Variants in NALF1 observed in about 807,000 individuals in gnomAD.
The protein encoded by NALF1 is family with sequence similarity 155 member A.
In NALF1, 3 loss-of-function variants were observed where a neutral mutation model predicts 48.4. The observed-to-expected ratio is 0.06, with a 90% confidence interval of 0.03 to 0.16. The LOEUF (loss-of-function observed/expected upper bound fraction) is 0.16. Ranked by LOEUF, NALF1 falls within the 10% of genes least tolerant of loss-of-function variation. The pLI is 1.00. For missense variants in NALF1, 526 were observed against 571.5 expected, an observed-to-expected ratio of 0.92 and a Z score of 0.81; for synonymous variants, 262 against 245.7, an observed-to-expected ratio of 1.07 and a Z score of -0.62.
chr13:107,495,993 T>C (rs1415858025), intron 1 of NALF1, among the ~76,000 whole-genome samples: 1 of 152,120 alleles, frequency 6.6e-6, no homozygotes, highest in Non-Finnish European at 1.5e-5. Context: ...TGAAAAAAAC[T>C]CATAAAATTA....
chr13:107,668,085 T>C (rs1176276323), intron 1 of NALF1, among the ~76,000 whole-genome samples: 4 of 152,210 alleles, frequency 2.6e-5, no homozygotes, highest in South Asian at 2.1e-4. Flanking sequence ...TATATATTGG[T>C]AGTTCAAGTA....
chr13:107,286,717 C>T lies in NALF1; in HGVS notation c.916-75962G>A, dbSNP rs570896491. On this transcript the variant is annotated intron_variant, in intron 1 of 2. Coordinates refer to ENST00000375915, the MANE Select transcript of NALF1 (RefSeq NM_001080396.3). ...GATACTACTCAGCCTGGAAACAGAA[C>T]GACATATTGATACATGGATGAAACT... Among the ~76,000 whole-genome samples, 18 of 151,874 alleles carry T rather than the reference C, an allele frequency of 1.2e-4. No individual in the cohort carries two copies. In the South Asian group the frequency reaches 2.7e-3, roughly 23 times the overall value.
intron 1 of NALF1, among the ~76,000 whole-genome samples, chr13:107,790,950 T>C (rs963960468): frequency 2.0e-5 from 3 of 152,120 alleles, no homozygotes; most frequent in Non-Finnish European, 2.9e-5. Context: ...TAAGACAGTA[T>C]AGCAAAAACA....
chr13:107,838,570 T>C (rs1879966321), intron 1 of NALF1, among the ~76,000 whole-genome samples: 1 of 152,152 alleles, frequency 6.6e-6, no homozygotes, highest in Admixed American at 6.5e-5. Flanking sequence ...CATGCGTGTA[T>C]GAACATGCAT....
chr13:107,203,023 G>A (rs988721789), intron 2 of NALF1, among the ~76,000 whole-genome samples: 1 of 152,196 alleles, frequency 6.6e-6, no homozygotes, highest in African/African-American at 2.4e-5. Context: ...AATTGCACAG[G>A]ATAATTTCAT....
At chr13:107,682,292 T>G (rs899928534) in intron 1 of NALF1, among the ~76,000 whole-genome samples, 14 of 152,214 alleles carry the variant, frequency 9.2e-5, no homozygotes, top group Non-Finnish European at 1.5e-5. Flanking sequence ...GCAACTGTGA[T>G]GGCGATGTCA....
chr13:107,775,683 G>C (rs1246953813), intron 1 of NALF1, among the ~76,000 whole-genome samples: 1 of 151,894 alleles, frequency 6.6e-6, no homozygotes, highest in Non-Finnish European at 1.5e-5. Context: ...CAGTGTAAAA[G>C]TGTTCCTATT....
chr13:107,455,157 G>C (rs1394369798), intron 1 of NALF1, among the ~76,000 whole-genome samples: 1 of 152,040 alleles, frequency 6.6e-6, no homozygotes, highest in African/African-American at 2.4e-5. Flanking sequence ...ATGTAAGATG[G>C]TGCCTGCTTC....
intron 1 of NALF1, among the ~76,000 whole-genome samples, chr13:107,385,926 C>G (rs1320878957): frequency 6.6e-6 from 1 of 152,014 alleles, no homozygotes; most frequent in Admixed American, 6.6e-5. Context: ...AAAATAATAC[C>G]TCTTGGAAGA....
intron 1 of NALF1, among the ~76,000 whole-genome samples, chr13:107,404,351 A>T (rs1535716): frequency 6.6e-6 from 1 of 151,776 alleles, no homozygotes; most frequent in Non-Finnish European, 1.5e-5. Flanking sequence ...CACCATGATA[A>T]CTTCCCGGAA....
chr13:107,770,719 G>A (rs1877554949), intron 1 of NALF1, among the ~76,000 whole-genome samples: 1 of 152,178 alleles, frequency 6.6e-6, no homozygotes, highest in Non-Finnish European at 1.5e-5. Context: ...CATGTTAATG[G>A]CCTGGGTGAA....
intron 1 of NALF1, among the ~76,000 whole-genome samples, chr13:107,488,914 A>G (rs1005775642): frequency 6.6e-6 from 1 of 152,166 alleles, no homozygotes; most frequent in Non-Finnish European, 1.5e-5. Context: ...CTAAAAAACA[A>G]TTTTAGCAGT....
intron 1 of NALF1, among the ~76,000 whole-genome samples, chr13:107,544,131 T>C (rs1304735948): frequency 6.6e-6 from 1 of 152,162 alleles, no homozygotes; most frequent in Non-Finnish European, 1.5e-5. Context: ...ACAAACATGA[T>C]AATAGCATGC....
chr13:107,626,759 C>T (rs960437226), intron 1 of NALF1, among the ~76,000 whole-genome samples: 2 of 151,852 alleles, frequency 1.3e-5, no homozygotes, highest in Non-Finnish European at 2.9e-5. Flanking sequence ...TGAGAGTAGA[C>T]TGGTGGTTCC....
chr13:107,860,442 A>G (rs1313110731), intron 1 of NALF1, among the ~76,000 whole-genome samples: 2 of 152,212 alleles, frequency 1.3e-5, no homozygotes, highest in African/African-American at 4.8e-5. Flanking sequence ...TTGGCTGCAC[A>G]TCAGAATCAC....
chr13:107,413,397 T>C (rs1884025633), intron 1 of NALF1, among the ~76,000 whole-genome samples: 1 of 152,162 alleles, frequency 6.6e-6, no homozygotes, highest in South Asian at 2.1e-4. Context: ...CCTCATCTAT[T>C]AAAAAGACCT....
At chr13:107,674,149 G>C (rs1881058601) in intron 1 of NALF1, among the ~76,000 whole-genome samples, 1 of 150,274 alleles carries the variant, frequency 6.7e-6, no homozygotes, top group Admixed American at 6.6e-5. Flanking sequence ...GTGATCAATG[G>C]AAAGGTTAAA....
At position 107,829,357 on chromosome 13, in the gene NALF1, C is replaced by T. The variant is rs114266873; in HGVS notation, c.915+36325G>A. Among the ~76,000 whole-genome samples the T allele has an allele frequency of 6.2e-3, 948 of 152,212 alleles. 8 individuals carry two copies. Among genetic ancestry groups the T allele is most frequent in the African/African-American group, 0.022 (903 of 41,540 alleles). ...ACTCTGATCACATATACCACAGACA[C>T]CATAATAACTATGTGCATGCCTCAG... is the stretch of plus-strand genomic sequence containing the variant. On this transcript the variant is annotated intron_variant, in intron 1 of 2. Transcript: ENST00000375915.
intron 1 of NALF1, among the ~76,000 whole-genome samples, chr13:107,259,841 A>G (rs544582787): frequency 1.3e-5 from 2 of 152,314 alleles, no homozygotes; most frequent in East Asian, 3.9e-4. Context: ...CATCTTCAAG[A>G]GGTTTGAAAG....
Sources: gnomAD v4.1 joint callset for allele counts (sites outside exome capture counted in the v4.1 genomes callset) on GRCh38, gnomAD v4.1.1 for gene constraint, MANE v1.5 for transcripts, NCBI Gene and HGNC (gene_info 2026-07-23, HGNC 2026-07-21) for gene names.